The following ECM2 variants were observed in gnomAD, a reference collection of about 807,000 sequenced individuals.
ECM2 encodes the protein extracellular matrix protein 2, female organ and adipocyte specific.
Under a neutral mutation model 67.5 loss-of-function variants are expected in ECM2, and 57 were observed. That is an observed-to-expected ratio of 0.84 (90% CI 0.68 to 1.05). The LOEUF (loss-of-function observed/expected upper bound fraction) is 1.05. Among genes scored for constraint, ECM2 ranks in the 50% least tolerant of loss-of-function variants. The pLI, the probability that ECM2 is intolerant of heterozygous loss-of-function variation, is 0.00. For missense variants in ECM2, 741 were observed against 822.8 expected, an observed-to-expected ratio of 0.90 and a Z score of 1.22; for synonymous variants, 258 against 294.5, an observed-to-expected ratio of 0.88 and a Z score of 1.27.
At chr9:92,504,248 A>C (rs1466051532) in intron 7 of ECM2, among the ~76,000 whole-genome samples, 1 of 152,216 alleles carries the variant, frequency 6.6e-6, no homozygotes, top group Non-Finnish European at 1.5e-5. Context: ...GGAGATTCTG[A>C]TGGAAAGCCA....
intron 9 of ECM2, among the ~76,000 whole-genome samples, chr9:92,499,602 T>C (rs1846552218): frequency 6.6e-6 from 1 of 152,250 alleles, no homozygotes; most frequent in Admixed American, 6.5e-5. Flanking sequence ...CGCCTTCTGA[T>C]GCAATGCAGT....
chr9:92,525,532 G>A lies in ECM2; in HGVS notation c.-27-2639C>T, dbSNP rs1369613180. Among the ~76,000 whole-genome samples, 10 of 152,174 alleles carry A rather than the reference G, an allele frequency of 6.6e-5. No homozygotes were observed. The East Asian group carries it at 1.7e-3, about 26-fold the overall frequency. On this transcript the variant is annotated intron_variant, in intron 1 of 9. Coordinates refer to ENST00000344604, the MANE Select transcript of ECM2 (RefSeq NM_001393.4). ...AGACGTCACAGCATCATAGCATAAC[G>A]CATTACTCATAATGTTTGTGGTGAT... is the stretch of plus-strand genomic sequence containing the variant.
the ECM2 span, among the ~76,000 whole-genome samples, chr9:92,558,680 G>A: frequency 1.3e-5 from 2 of 152,162 alleles, no homozygotes; most frequent in African/African-American, 4.8e-5. Flanking sequence ...GGGACCAGCA[G>A]TAGGCGGGGT....
chr9:92,536,611 G>A (rs1849177128), upstream of ECM2: 1 of 152,370 alleles, frequency 6.6e-6, no homozygotes, highest in African/African-American at 2.4e-5. Flanking sequence ...CTGTTACGCT[G>A]GCAAATTAGT....
chr9:92,559,041 C>G, the ECM2 span, among the ~76,000 whole-genome samples: 1 of 152,116 alleles, frequency 6.6e-6, no homozygotes, highest in Non-Finnish European at 1.5e-5. Flanking sequence ...AAAACTTACC[C>G]GAGGCTGTCC....
intron 6 of ECM2, among the ~76,000 whole-genome samples, chr9:92,508,939 G>A (rs1847171664): frequency 6.6e-6 from 1 of 151,932 alleles, no homozygotes; most frequent in South Asian, 2.1e-4. Flanking sequence ...TAGACTATTA[G>A]GAAGATAAAA....
chr9:92,495,999 T>A lies in ECM2; in HGVS notation c.*316A>T. The A allele has an allele frequency of 2.0e-6, 2 of 997,892 alleles. No homozygotes were observed. The highest frequency in any genetic ancestry group is 2.4e-6 in the Non-Finnish European group (2 of 838,596). 61.8% of individuals were successfully genotyped at this position (997,892 alleles called of 1,614,324 possible). A position where few individuals can be genotyped will look rare whatever the true frequency, so the allele number is the denominator to read the frequency against. ...TTCTCAGCTAACACCAGTATTCAAG[T>A]TGATTATAAAGGCTGTGTTTATTTT... On this transcript the variant is annotated 3_prime_UTR_variant, in exon 10 of 10. Transcript: ENST00000344604.
the ECM2 span, among the ~76,000 whole-genome samples, chr9:92,555,778 CTTCTT>C: frequency 8.5e-5 from 13 of 152,238 alleles, no homozygotes; most frequent in East Asian, 7.7e-4. Flanking sequence ...GATTTTCTCT[CTTCTT>C]TTCATCATTA....
In ECM2 at chr9:92,515,183, C is replaced by T. The variant is rs761687228; in HGVS notation, c.502G>A (p.Gly168Ser). ...TCATTTCTATCATTTAATGCTATACCACTGAGTAGAGAATAGGAGACTAAT... is the reference window on the plus strand; with the variant it reads ...TCATTTCTATCATTTAATGCTATACTACTGAGTAGAGAATAGGAGACTAAT... The part of the protein sequence containing the change: ...SATVSYSLLS[G>S]IALNDRNEFS... The change falls in exon 4 of 10, where the codon GGT becomes AGT. Residue 168 changes from glycine to serine, a missense_variant. Transcript: ENST00000344604. 2 of 1,594,120 alleles carry T rather than the reference C, an allele frequency of 1.3e-6. No homozygotes were observed. Among genetic ancestry groups the T allele is most frequent in the African/African-American group, 1.4e-5 (1 of 73,968 alleles).
rs932265688 is a variant in ECM2 at position 92,502,513 on chromosome 9, T to C, written c.1604A>G (p.Glu535Gly). 2 of 1,612,306 alleles carry C rather than the reference T, an allele frequency of 1.2e-6. No homozygotes were observed. Among genetic ancestry groups the C allele is most frequent in the Non-Finnish European group, 1.7e-6 (2 of 1,179,076 alleles). ...AATTTAAATTGTAGCATGTACTTACTCTTGATTTATCCAGGCTAAAGGAGC... is the reference window on the plus strand; with the variant it reads ...AATTTAAATTGTAGCATGTACTTACCCTTGATTTATCCAGGCTAAAGGAGC... ...RIAPLAWINQENLESIDLSYN... is the reference protein window; with the variant it reads ...RIAPLAWINQGNLESIDLSYN... Residue 535 changes from glutamate (E) to glycine (G), a missense_variant and splice_region_variant, in exon 8 of 10, where the codon GAA becomes GGA. Transcript: ENST00000344604.
chr9:92,554,939 AG>A, the ECM2 span, among the ~76,000 whole-genome samples: 2 of 152,018 alleles, frequency 1.3e-5, no homozygotes, highest in Non-Finnish European at 2.9e-5. Context: ...CCTGGCCTTC[AG>A]TTAGCTAGTA....
At chr9:92,556,965 T>A in the ECM2 span, among the ~76,000 whole-genome samples, 2 of 152,356 alleles carry the variant, frequency 1.3e-5, no homozygotes, top group Middle Eastern at 6.8e-3. Flanking sequence ...TTGTCATGTA[T>A]TTCCAGGATT....
the ECM2 span, among the ~76,000 whole-genome samples, chr9:92,552,905 C>A: frequency 6.6e-6 from 1 of 152,066 alleles, no homozygotes; most frequent in South Asian, 2.1e-4. Context: ...TCATGAAATC[C>A]TTGCCTAGGC....
chr9:92,496,292 A>T lies in ECM2; in HGVS notation c.*23T>A, dbSNP rs769235865. 3.2e-6 allele frequency: 5 copies of T among 1,561,100 alleles called. No homozygotes were observed. The African/African-American group carries it at 5.6e-5, about 17-fold the overall frequency. On this transcript the variant is annotated 3_prime_UTR_variant, in exon 10 of 10. Transcript: ENST00000344604. ...CTACAAATACATGAGTAAAGTTTAT[A>T]AACAGCAAAGGAAAACTTGGAATTA...
intron 5 of ECM2, among the ~76,000 whole-genome samples, chr9:92,510,422 A>G (rs563812891): frequency 1.3e-5 from 2 of 152,386 alleles, no homozygotes; most frequent in African/African-American, 4.8e-5. Context: ...CATGGATGCT[A>G]ACAATTAAGA....
the ECM2 span, among the ~76,000 whole-genome samples, chr9:92,555,209 T>G: frequency 6.1e-5 from 9 of 146,728 alleles, no homozygotes; most frequent in Admixed American, 1.4e-4. Context: ...GACTTTTTTT[T>G]GGAAATTTTT....
At chr9:92,504,869 G>T (rs146084840) in intron 7 of ECM2, among the ~76,000 whole-genome samples, 1 of 152,166 alleles carries the variant, frequency 6.6e-6, no homozygotes, top group South Asian at 2.1e-4. Context: ...GAAATGAGGG[G>T]TGTTGACATT....
At chr9:92,528,047 C>T (rs1007474198) in intron 1 of ECM2, 1 of 152,162 alleles carries the variant, frequency 6.6e-6, no homozygotes, top group Non-Finnish European at 1.5e-5. Flanking sequence ...ACATCATGGT[C>T]GCTTCCTAGA....
At chr9:92,544,452 G>A in the ECM2 span, among the ~76,000 whole-genome samples, 7 of 152,224 alleles carry the variant, frequency 4.6e-5, no homozygotes, top group African/African-American at 1.7e-4. Context: ...CTCCAGCCTG[G>A]GCAACAGAGC....
Sources: gnomAD v4.1 joint callset for allele counts (sites outside exome capture counted in the v4.1 genomes callset) on GRCh38, gnomAD v4.1.1 for gene constraint, MANE v1.5 for transcripts, NCBI Gene and HGNC (gene_info 2026-07-23, HGNC 2026-07-21) for gene names.